CREB5: variants seen among roughly 807,000 people sequenced by gnomAD.
CREB5 encodes the protein cAMP responsive element binding protein 5.
CREB5 carries 19 observed loss-of-function variants against 57.1 expected under a neutral mutation model. That is an observed-to-expected ratio of 0.33 (90% CI 0.23 to 0.49). CREB5 has a LOEUF of 0.49. Ranked by LOEUF, CREB5 falls within the 20% of genes least tolerant of loss-of-function variation. CREB5 has a pLI of 0.99. For missense variants in CREB5, 579 were observed against 671.6 expected (o/e 0.86, Z 1.52); for synonymous variants, 238 against 238.3 (o/e 1.00, Z 0.01).
At chr7:28,760,067 A>G (rs942410982) in intron 7 of CREB5, among the ~76,000 whole-genome samples, 1 of 152,210 alleles carries the variant, frequency 6.6e-6, no homozygotes, top group Non-Finnish European at 1.5e-5. Context: ...AGACGCCAAG[A>G]GAAAGAATTT....
intron 5 of CREB5, among the ~76,000 whole-genome samples, chr7:28,614,886 CA>C (rs918108735): frequency 2.0e-4 from 30 of 152,278 alleles, no homozygotes; most frequent in African/African-American, 7.0e-4. Context: ...CTAGTTATCA[CA>C]GCATTTCATT....
At chr7:28,530,674 A>G (rs1583584981) in intron 4 of CREB5, among the ~76,000 whole-genome samples, 2 of 152,324 alleles carry the variant, frequency 1.3e-5, no homozygotes, top group Non-Finnish European at 1.5e-5. Context: ...GCTTTTCGCC[A>G]TAGTTAGCTT....
intron 5 of CREB5, among the ~76,000 whole-genome samples, chr7:28,690,450 G>A (rs1051991316): frequency 1.3e-5 from 2 of 152,174 alleles, no homozygotes; most frequent in African/African-American, 4.8e-5. Flanking sequence ...TATCAAGCAG[G>A]CATTGCCAGT....
At chr7:28,536,479 A>C (rs1325930995) in intron 4 of CREB5, among the ~76,000 whole-genome samples, 2 of 152,134 alleles carry the variant, frequency 1.3e-5, no homozygotes, top group Non-Finnish European at 2.9e-5. Flanking sequence ...TGCTGTTTTC[A>C]AGCCTGACCC....
intron 5 of CREB5, among the ~76,000 whole-genome samples, chr7:28,575,589 C>G (rs927876519): frequency 6.6e-6 from 1 of 152,232 alleles, no homozygotes; most frequent in African/African-American, 2.4e-5. Context: ...CTGGAGACAG[C>G]GGGGCAGCAG....
intron 5 of CREB5, among the ~76,000 whole-genome samples, chr7:28,639,537 A>T (rs1798564775): frequency 6.6e-6 from 1 of 152,190 alleles, no homozygotes; most frequent in Non-Finnish European, 1.5e-5. Flanking sequence ...TTAATTTTTC[A>T]TAATACAAGT....
chr7:28,412,938 G>C, intron 1 of CREB5, 21 bp downstream of exon 1: 1 of 1,445,414 alleles, frequency 6.9e-7, no homozygotes, highest in South Asian at 1.7e-5. Context: ...TGTTTATTAT[G>C]CATATTAAAC....
chr7:28,505,520 T>G (rs529236784), intron 3 of CREB5, among the ~76,000 whole-genome samples: 7 of 152,232 alleles, frequency 4.6e-5, no homozygotes, highest in Admixed American at 3.9e-4. Context: ...GTCCAGAGAA[T>G]GTAGGTAAAT....
chr7:28,413,936 A>G (rs893239705), intron 1 of CREB5, among the ~76,000 whole-genome samples: 1 of 152,110 alleles, frequency 6.6e-6, no homozygotes, highest in African/African-American at 2.4e-5. Flanking sequence ...TTCTTACTAT[A>G]ATCTACTTTT....
chr7:28,427,793 C>T (rs1468096978), intron 1 of CREB5, among the ~76,000 whole-genome samples: 1 of 152,110 alleles, frequency 6.6e-6, no homozygotes, highest in East Asian at 1.9e-4. Flanking sequence ...CTATTTCTTT[C>T]CTGGGTTTAT....
chr7:28,570,910 G>A (rs1325285822), intron 5 of CREB5, among the ~76,000 whole-genome samples: 2 of 152,076 alleles, frequency 1.3e-5, no homozygotes, highest in African/African-American at 2.4e-5. Flanking sequence ...CTCCAACAGA[G>A]TGTGCCCTTC....
At position 28,327,367 on chromosome 7, in the gene CREB5, C is replaced by T. The variant is rs148151086; in HGVS notation, c.-25+27926C>T. Among the ~76,000 whole-genome samples the T allele has an allele frequency of 8.6e-3, 1,309 of 152,132 alleles. 36 individuals carry two copies. The highest frequency in any genetic ancestry group is 8.1e-3 in the Admixed American group (124 of 15,276). ...ACCTCAGAGTGACTTGATGACCTGC[C>T]TCATACATTGTAGTAAAACACCATG... On this transcript the variant is annotated intron_variant, in intron 1 of 9. Coordinates refer to the CREB5 transcript ENST00000396299.
chr7:28,617,200 A>G (rs1797625253), intron 5 of CREB5, among the ~76,000 whole-genome samples: 1 of 152,250 alleles, frequency 6.6e-6, no homozygotes, highest in African/African-American at 2.4e-5. Context: ...AGGGAAGAGC[A>G]ATTTAGAACA....
At chr7:28,552,954 TAGTC>T (rs752409574) in intron 4 of CREB5, among the ~76,000 whole-genome samples, 1 of 152,204 alleles carries the variant, frequency 6.6e-6, no homozygotes, top group Non-Finnish European at 1.5e-5. Flanking sequence ...CCACTGATGA[TAGTC>T]AACCAGAATA....
rs558468761 is a variant in CREB5 at position 28,701,403 on chromosome 7, AT to A, written c.465-17346del. Among the ~76,000 whole-genome samples, 36 of 152,326 alleles carry A rather than the reference AT, an allele frequency of 2.4e-4. No individual in the cohort carries two copies. The East Asian group carries it at 6.7e-3, about 29-fold the overall frequency. ...ATTCCATCAATGGCAGATAAAATTC[AT>A]TTTAATAAGATTTATTCTGTAAAGT... On this transcript the variant is annotated intron_variant, in intron 5 of 10. Transcript: ENST00000357727.
Position 28,823,851 on chromosome 7 carries a change from G to A in CREB5, c.*4572G>A, listed in dbSNP as rs1809920178. 1 of 152,544 alleles carries A rather than the reference G, an allele frequency of 6.6e-6. No individual in the cohort carries two copies. Among genetic ancestry groups the A allele is most frequent in the Non-Finnish European group, 1.5e-5 (1 of 68,022 alleles). The allele number at this position is 152,544 out of a possible 1,614,324, so 9.4% of individuals were successfully genotyped here. The stretch of plus-strand genomic sequence containing the variant: ...CTCCATTATGCAGTATATCTGAGAA[G>A]GGAAAGGAAACAACCCATTTAAATT... On this transcript the variant is annotated 3_prime_UTR_variant, in exon 11 of 11. Transcript: ENST00000357727.
At chr7:28,559,237 A>G (rs920685184) in intron 4 of CREB5, among the ~76,000 whole-genome samples, 2 of 152,192 alleles carry the variant, frequency 1.3e-5, no homozygotes, top group African/African-American at 4.8e-5. Flanking sequence ...CAAATTGAGG[A>G]GACTGTTAAG....
intron 1 of CREB5, among the ~76,000 whole-genome samples, chr7:28,318,477 G>A (rs892944996): frequency 6.6e-6 from 1 of 152,218 alleles, no homozygotes; most frequent in Non-Finnish European, 1.5e-5. Flanking sequence ...TTGAGGCATT[G>A]GTGGGTTAAA....
chr7:28,587,056 A>C (rs1468236525), intron 5 of CREB5, among the ~76,000 whole-genome samples: 1 of 152,254 alleles, frequency 6.6e-6, no homozygotes, highest in South Asian at 2.1e-4. Context: ...GAACAACTCA[A>C]ATGTCATTAC....
Sources: gnomAD v4.1 joint callset for allele counts (sites outside exome capture counted in the v4.1 genomes callset) on GRCh38, gnomAD v4.1.1 for gene constraint, MANE v1.5 for transcripts, NCBI Gene and HGNC (gene_info 2026-07-23, HGNC 2026-07-21) for gene names.